Variants in WDSUB1 observed in about 807,000 individuals in gnomAD.
The protein encoded by WDSUB1 is WD repeat, sterile alpha motif and U-box domain containing 1.
Under a neutral mutation model 53.9 loss-of-function variants are expected in WDSUB1, and 49 were observed. That is an observed-to-expected ratio of 0.91 (90% CI 0.72 to 1.15). The LOEUF is 1.15. WDSUB1 is among the 50% of genes most tolerant of loss of function. The pLI is 0.00. For missense variants in WDSUB1, 514 were observed against 562.0 expected, an observed-to-expected ratio of 0.91 and a Z score of 0.86; for synonymous variants, 194 against 200.6, an observed-to-expected ratio of 0.97 and a Z score of 0.28.
chr2:159,271,036 A>G (rs1295809378), intron 5 of WDSUB1, among the ~76,000 whole-genome samples: 1 of 152,184 alleles, frequency 6.6e-6, no homozygotes, highest in Non-Finnish European at 1.5e-5. Flanking sequence ...AACACTACAC[A>G]CTCATCAGAA....
chr2:159,279,649 G>C (rs1246783808), intron 3 of WDSUB1, 112 bp downstream of exon 3: 3 of 862,330 alleles, frequency 3.5e-6, no homozygotes, highest in African/African-American at 1.7e-5. Context: ...AAATTAAGAG[G>C]GCTCCTCACT....
Position 159,259,807 on chromosome 2 carries a change from T to TA in WDSUB1, c.804+2dup, listed in dbSNP as rs2061150141. ...GATCACCACAAGATTTTTAAATACTTACAGTATCATATACTATGACAGACT... is the reference window on the plus strand; with the variant it reads ...GATCACCACAAGATTTTTAAATACTTAACAGTATCATATACTATGACAGACT... On this transcript the variant is annotated splice_region_variant and intron_variant, in intron 6 of 10. Transcript: ENST00000359774. 1 of 1,522,422 alleles carries TA rather than the reference T, an allele frequency of 6.6e-7. No individual in the cohort carries two copies. The allele number at this position is 1,522,422 out of a possible 1,614,324, so 94.3% of individuals were successfully genotyped here. A position where few individuals can be genotyped will look rare whatever the true frequency, so the allele number is the denominator to read the frequency against.
At position 159,248,529 on chromosome 2, in the gene WDSUB1, G is replaced by C. The variant is rs1226777353; in HGVS notation, c.1133-17C>G. The C allele has an allele frequency of 2.7e-6, 4 of 1,482,218 alleles. No individual in the cohort carries two copies. In the Admixed American group the frequency reaches 1.0e-4, roughly 38 times the overall value. The allele number at this position is 1,482,218 out of a possible 1,614,324, so 91.8% of individuals were successfully genotyped here. On this transcript the variant is annotated splice_polypyrimidine_tract_variant and intron_variant, in intron 9 of 10. Coordinates refer to ENST00000359774, the MANE Select transcript of WDSUB1 (RefSeq NM_001128212.3). ...CTAGAGATTCTGAAAAGAAATTACT[G>C]TTAGGGCTGGATAACTACTAGTAAT...
At chr2:159,264,827 T>G (rs889046946) in intron 5 of WDSUB1, among the ~76,000 whole-genome samples, 1 of 152,178 alleles carries the variant, frequency 6.6e-6, no homozygotes, top group Non-Finnish European at 1.5e-5. Context: ...TTCACATTTC[T>G]AATCACAGCA....
intron 10 of WDSUB1, among the ~76,000 whole-genome samples, chr2:159,245,837 A>T (rs1246039631): frequency 6.6e-6 from 1 of 152,206 alleles, no homozygotes; most frequent in Non-Finnish European, 1.5e-5. Context: ...GGGTAGACAG[A>T]TTTCTTAGGA....
chr2:159,250,973 A>G (rs1051098827), intron 9 of WDSUB1, among the ~76,000 whole-genome samples: 1 of 152,068 alleles, frequency 6.6e-6, no homozygotes, highest in Non-Finnish European at 1.5e-5. Context: ...TAACATAATA[A>G]GAAAAGGAGG....
chr2:159,270,397 T>C (rs10167611), intron 5 of WDSUB1, among the ~76,000 whole-genome samples: 12,639 of 152,150 alleles, frequency 0.083, 1,168 homozygotes, highest in African/African-American at 0.22. Flanking sequence ...ATTTAACAAG[T>C]TGATTCTAAA....
intron 5 of WDSUB1, among the ~76,000 whole-genome samples, chr2:159,266,935 G>A (rs2061358405): frequency 6.6e-6 from 1 of 152,038 alleles, no homozygotes; most frequent in Admixed American, 6.6e-5. Context: ...CACCATGCTT[G>A]GGTAACTTTT....
intron 10 of WDSUB1, among the ~76,000 whole-genome samples, chr2:159,246,476 C>A (rs189028266): frequency 6.7e-6 from 1 of 149,022 alleles, no homozygotes; most frequent in Non-Finnish European, 1.5e-5. Flanking sequence ...TTCATATCCA[C>A]TAAAATGGCA....
At position 159,282,839 on chromosome 2, in the gene WDSUB1, G is replaced by A. The variant is rs11889736; in HGVS notation, c.231C>T (p.Thr77=). The part of the protein sequence containing the change: ...HILASCSTDG[T]TVLWNTENGQ... ...CATTTTCAGTATTCCATAGGACAGT[G>A]GTACCATCTGTTGAACACGATGCCA... The change falls in exon 2 of 11, where the codon ACC becomes ACT. Residue 77 remains threonine (T), a synonymous_variant. Transcript: ENST00000359774. 9,283 of 1,614,154 alleles carry A rather than the reference G, an allele frequency of 5.8e-3. 471 individuals carry two copies. The African/African-American group carries it at 0.11, about 19-fold the overall frequency.
At chr2:159,249,762 C>CTTACT (rs2060904299) in intron 9 of WDSUB1, among the ~76,000 whole-genome samples, 1 of 151,792 alleles carries the variant, frequency 6.6e-6, no homozygotes, top group Non-Finnish European at 1.5e-5. Context: ...CACCATGAAA[C>CTTACT]TTACTTAAGA....
In WDSUB1 at chr2:159,238,797, C is replaced by T. The variant is rs565444754; in HGVS notation, c.1274-2607G>A. ...TGCTGTTCTTGTTTATTAGGTTCCA[C>T]GTGAAGAATCACCTTGTGTATCTCT... On this transcript the variant is annotated intron_variant, in intron 10 of 10. Transcript: ENST00000359774. Among the ~76,000 whole-genome samples, 6 of 151,896 alleles carry T rather than the reference C, an allele frequency of 4.0e-5. No individual in the cohort carries two copies. In the Middle Eastern group the frequency reaches 0.01, roughly 258 times the overall value.
Position 159,241,719 on chromosome 2 carries a change from CT to C in WDSUB1, c.1274-5530del, listed in dbSNP as rs527377114. 3.1e-4 allele frequency among the ~76,000 whole-genome samples: 40 copies of C among 130,278 alleles called. 1 individual carries two copies. Among genetic ancestry groups the C allele is most frequent in the Non-Finnish European group, 3.0e-4 (19 of 63,062 alleles). The allele number at this position is 130,278 out of a possible 152,430, so 85.5% of individuals were successfully genotyped here. A position where few individuals can be genotyped will look rare whatever the true frequency, so the allele number is the denominator to read the frequency against. On this transcript the variant is annotated intron_variant, in intron 10 of 10. Transcript: ENST00000359774. ...CATGACTGGGGATGTTTTCTTTTTT[CT>C]TTTTTTTTTTGAGATGGAGTCTCAC...
chr2:159,271,058 T>G (rs1461665971), intron 5 of WDSUB1, among the ~76,000 whole-genome samples: 1 of 152,136 alleles, frequency 6.6e-6, no homozygotes, highest in Non-Finnish European at 1.5e-5. Context: ...GGCTAAAATT[T>G]TAAACACTCA....
intron 10 of WDSUB1, among the ~76,000 whole-genome samples, chr2:159,243,137 A>AC (rs2060705117): frequency 6.8e-6 from 1 of 147,952 alleles, no homozygotes; most frequent in Non-Finnish European, 1.5e-5. Context: ...TCCCATAGGA[A>AC]CACCTATAAA....
intron 5 of WDSUB1, among the ~76,000 whole-genome samples, chr2:159,263,352 A>C (rs1255490557): frequency 6.6e-6 from 1 of 152,198 alleles, no homozygotes; most frequent in Non-Finnish European, 1.5e-5. Context: ...GTCTCTTACA[A>C]AGATAGAGCA....
In WDSUB1 at chr2:159,248,399, G is replaced by A. The variant is rs749099019; in HGVS notation, c.1246C>T (p.Leu416Phe). Residue 416 changes from leucine (L) to phenylalanine (F), a missense_variant, in exon 10 of 11, where the codon CTT becomes TTT. Coordinates refer to ENST00000359774, the MANE Select transcript of WDSUB1 (RefSeq NM_001128212.3). ...GATGCGATGACCGGATCTTTCATAA[G>A]TTCTCTAGTTATTGGACATATAAAT... ...DEFICPITRE[L>F]MKDPVIASDG... is the part of the protein sequence containing the mutation. 3.8e-5 allele frequency: 61 copies of A among 1,611,706 alleles called. No individual in the cohort carries two copies. Among genetic ancestry groups the A allele is most frequent in the Admixed American group, 5.0e-5 (3 of 59,606 alleles).
At chr2:159,275,709 A>G in intron 3 of WDSUB1, 71 bp from the exon 4 acceptor site, 1 of 1,196,828 alleles carries the variant, frequency 8.4e-7, no homozygotes, top group East Asian at 2.5e-5. Flanking sequence ...CCCATTTCTT[A>G]TACTAAGATC....
At chr2:159,268,813 C>A (rs1296456858) in intron 5 of WDSUB1, among the ~76,000 whole-genome samples, 4 of 152,040 alleles carry the variant, frequency 2.6e-5, no homozygotes, top group Non-Finnish European at 1.5e-5. Flanking sequence ...ACAACTTCAA[C>A]ACAGAACTGG....
Sources: allele counts gnomAD v4.1 joint callset (sites outside exome capture counted in the v4.1 genomes callset), GRCh38; gene constraint gnomAD v4.1.1; transcripts MANE v1.5; gene names NCBI Gene and HGNC (gene_info 2026-07-23, HGNC 2026-07-21).